Variants in ERAP1 observed in about 807,000 individuals in gnomAD.
The protein encoded by ERAP1 is adipocyte-derived leucine aminopeptidase.
ERAP1 carries 86 observed loss-of-function variants against 103.7 expected under a neutral mutation model. The observed-to-expected ratio is 0.83, with a 90% CI of 0.70 to 0.99. ERAP1 has a LOEUF of 0.99. ERAP1 is among the 50% of genes least tolerant of loss of function. The probability of loss-of-function intolerance (pLI) is 0.00; values close to 1 mark genes in which losing one functional copy is unlikely to be tolerated. For synonymous variants in ERAP1, 398 were observed against 402.4 expected, an observed-to-expected ratio of 0.99 and a Z score of 0.13; for missense variants, 1,009 against 1,128.4, an observed-to-expected ratio of 0.89 and a Z score of 1.52.
chr5:96,853,101 G>T, the ERAP1 span, among the ~76,000 whole-genome samples: 7,274 of 152,180 alleles, frequency 0.048, 216 homozygotes, highest in South Asian at 0.11. Context: ...GAGCTGGCAG[G>T]ACATGCACTT....
At chr5:96,888,557 C>T in the ERAP1 span, among the ~76,000 whole-genome samples, 1 of 152,136 alleles carries the variant, frequency 6.6e-6, no homozygotes, top group Non-Finnish European at 1.5e-5. Context: ...TACATTTTTT[C>T]TGCATAAAAG....
At chr5:96,875,139 C>G in the ERAP1 span, among the ~76,000 whole-genome samples, 1 of 152,140 alleles carries the variant, frequency 6.6e-6, no homozygotes. Context: ...GCTTGAGAAG[C>G]TGGGAAGACA....
At chr5:96,850,698 T>C in the ERAP1 span, among the ~76,000 whole-genome samples, 1 of 152,178 alleles carries the variant, frequency 6.6e-6, no homozygotes, top group East Asian at 1.9e-4. Flanking sequence ...CATTCCACGA[T>C]GTATACCTGT....
At chr5:96,798,337 A>AAAG (rs2150981862) in intron 3 of ERAP1, among the ~76,000 whole-genome samples, 1 of 151,788 alleles carries the variant, frequency 6.6e-6, no homozygotes, top group East Asian at 1.9e-4. Flanking sequence ...AAAAAAAAAA[A>AAAG]AAAAAAGATT....
At chr5:96,934,518 G>C in the ERAP1 span, 1 of 152,226 alleles carries the variant, frequency 6.6e-6, no homozygotes. Context: ...GTGCTGATGA[G>C]GTCCCAGAGT....
chr5:96,812,432 T>C (rs1779208180), upstream of ERAP1, among the ~76,000 whole-genome samples: 2 of 152,224 alleles, frequency 1.3e-5, no homozygotes, highest in African/African-American at 4.8e-5. Context: ...TTTATTTTAT[T>C]TATGGCTCCC....
Position 96,785,813 on chromosome 5 carries a change from T to C in ERAP1, c.1918A>G (p.Ile640Val). The change falls in exon 13 of 19, where the codon ATT becomes GTT. Residue 640 changes from isoleucine (I) to valine (V), a missense_variant. Physicochemically the swap from Ile to Val is conservative, Grantham distance 29. This residue lies in a region of ERAP1 where 611 missense variants were observed against 651.7 expected (regional missense o/e 0.94). Coordinates refer to ENST00000443439, the MANE Select transcript of ERAP1 (RefSeq NM_001040458.3). ...AVSSNDRASL[I>V]NNAFQLVSIG... ...CTGACGAGCTGAAATGCATTGTTAA[T>C]GAGACTCGCCCGATCATTACTGCTG... is the stretch of plus-strand genomic sequence containing the variant. 4 of 1,613,768 alleles carry C rather than the reference T, an allele frequency of 2.5e-6. No homozygotes were observed. Among genetic ancestry groups the C allele is most frequent in the African/African-American group, 1.3e-5 (1 of 75,026 alleles).
At chr5:96,923,485 G>A in the ERAP1 span, among the ~76,000 whole-genome samples, 2 of 152,092 alleles carry the variant, frequency 1.3e-5, no homozygotes, top group African/African-American at 2.4e-5. Flanking sequence ...ATGAGGTCAG[G>A]AGATCGAGAC....
At chr5:96,909,691 C>A in the ERAP1 span, 1 of 1,614,200 alleles carries the variant, frequency 6.2e-7, no homozygotes, top group South Asian at 1.1e-5. Flanking sequence ...GGCCTGTGAC[C>A]TGAACCATGC....
chr5:96,785,832 A>C lies in ERAP1; in HGVS notation c.1899T>G (p.Ser633Arg). The change falls in exon 13 of 19, where the codon AGT becomes AGG. Residue 633 changes from serine to arginine, a missense_variant. Ser to Arg is a moderately radical substitution (Grantham distance 110, BLOSUM62 -1). Transcript: ENST00000443439. ...LLKGTHTAVS[S>R]NDRASLINNA... Reference sequence around the variant, plus strand: ...TGTTAATGAGACTCGCCCGATCATTACTGCTGACTGCTGTGTGTGTTCCTT... The same window carrying C: ...TGTTAATGAGACTCGCCCGATCATTCCTGCTGACTGCTGTGTGTGTTCCTT... 2 of 1,614,180 alleles carry C rather than the reference A, an allele frequency of 1.2e-6. No individual in the cohort carries two copies. The highest frequency in any genetic ancestry group is 2.2e-5 in the South Asian group (2 of 91,084).
chr5:96,929,517 C>G, the ERAP1 span, among the ~76,000 whole-genome samples: 2 of 150,666 alleles, frequency 1.3e-5, no homozygotes, highest in Admixed American at 1.3e-4. Context: ...CGGGGCTTCA[C>G]TCTGTCACCC....
At chr5:96,854,373 C>T in the ERAP1 span, among the ~76,000 whole-genome samples, 3 of 152,004 alleles carry the variant, frequency 2.0e-5, no homozygotes, top group African/African-American at 7.2e-5. Context: ...CATAATTTAA[C>T]TTGGATGTAT....
intron 2 of ERAP1, among the ~76,000 whole-genome samples, chr5:96,801,625 G>T (rs558099672): frequency 6.6e-6 from 1 of 151,554 alleles, no homozygotes; most frequent in Non-Finnish European, 1.5e-5. Flanking sequence ...AGGCCTAGGC[G>T]GGCGGATCAC....
chr5:96,886,612 ACT>A, the ERAP1 span: 2 of 1,447,038 alleles, frequency 1.4e-6, no homozygotes, highest in Admixed American at 3.9e-5. Flanking sequence ...GTTATGAAAT[ACT>A]CCAGTTTTCA....
At chr5:96,769,196 A>G (rs1346713117) in intron 19 of ERAP1, 2 of 152,170 alleles carry the variant, frequency 1.3e-5, no homozygotes, top group Non-Finnish European at 2.9e-5. Flanking sequence ...GCTCTCGATC[A>G]CTGAATTGTC....
At chr5:96,766,771 A>G (rs935745039) in intron 19 of ERAP1, among the ~76,000 whole-genome samples, 1 of 152,352 alleles carries the variant, frequency 6.6e-6, no homozygotes, top group East Asian at 1.9e-4. Context: ...TAGATGATAA[A>G]TAACCCTTTC....
At chr5:96,866,680 G>A in the ERAP1 span, among the ~76,000 whole-genome samples, 35 of 152,272 alleles carry the variant, frequency 2.3e-4, no homozygotes, top group Admixed American at 7.8e-4. Flanking sequence ...CCTTCTAGGA[G>A]AGACCTCGTA....
chr5:96,811,716 C>G (rs759901435), upstream of ERAP1, among the ~76,000 whole-genome samples: 1 of 152,250 alleles, frequency 6.6e-6, no homozygotes, highest in Non-Finnish European at 1.5e-5. Flanking sequence ...AGGAACAACT[C>G]AAGCAAGTTG....
At chr5:96,857,871 C>T in the ERAP1 span, among the ~76,000 whole-genome samples, 10 of 152,182 alleles carry the variant, frequency 6.6e-5, no homozygotes, top group African/African-American at 1.9e-4. Flanking sequence ...ATTTTGTGTT[C>T]AGCCCTTTAT....
Sources: allele counts gnomAD v4.1 joint callset (sites outside exome capture counted in the v4.1 genomes callset), GRCh38; gene constraint gnomAD v4.1.1; regional missense constraint gnomAD v4.1.1; transcripts MANE v1.5; gene names NCBI Gene and HGNC (gene_info 2026-07-23, HGNC 2026-07-21).